Variants in NRG2 observed in about 807,000 individuals in gnomAD.
NRG2 encodes pro-neuregulin-2, membrane-bound isoform.
Under a neutral mutation model 73.9 loss-of-function variants are expected in NRG2, and 27 were observed. The observed-to-expected ratio is 0.37, with a 90% CI of 0.27 to 0.50. The LOEUF is 0.50. Ranked by LOEUF, NRG2 falls within the 20% of genes least tolerant of loss-of-function variation. The pLI is 0.96. For missense variants in NRG2, 1,126 were observed against 1,210.1 expected (o/e 0.93, Z 1.03); for synonymous variants, 532 against 541.0 (o/e 0.98, Z 0.23).
intron 1 of NRG2, among the ~76,000 whole-genome samples, chr5:140,010,143 C>T (rs1759242014): frequency 6.6e-6 from 1 of 152,014 alleles, no homozygotes; most frequent in Non-Finnish European, 1.5e-5. Context: ...ACTAAAAATA[C>T]AAAAATTAGA....
At chr5:139,873,534 A>G (rs112193042) in intron 3 of NRG2, among the ~76,000 whole-genome samples, 15 of 152,356 alleles carry the variant, frequency 9.8e-5, no homozygotes, top group African/African-American at 3.1e-4. Flanking sequence ...GTGTGTTGCA[A>G]CAGAGCCTCA....
rs1444990262 is a variant in NRG2, at chr5:139,852,022, C to A, written c.1545-191G>T. 6.6e-6 allele frequency among the ~76,000 whole-genome samples: 1 copy of A among 152,188 alleles called. No individual in the cohort carries two copies. Among genetic ancestry groups the A allele is most frequent in the African/African-American group, 2.4e-5 (1 of 41,436 alleles). ...ATATTGGAAGAAGGAGGGCTGGGGT[C>A]CCATAGATGGGTGAGCTGTAATGTG... On this transcript the variant is annotated intron_variant, in intron 8 of 9. Coordinates refer to ENST00000361474, the MANE Select transcript of NRG2 (RefSeq NM_004883.3). This position sits in a 1 kb window ranked among gnomAD's most constrained non-coding sequence, Gnocchi z 4.4.
chr5:139,992,981 C>CT (rs949613998), intron 1 of NRG2, among the ~76,000 whole-genome samples: 23 of 146,828 alleles, frequency 1.6e-4, no homozygotes, highest in Admixed American at 4.8e-4. Flanking sequence ...GTTCCTCCAT[C>CT]TTTTTTTTTT....
At chr5:139,880,662 A>AAACATTAGC (rs1462856172) in intron 3 of NRG2, among the ~76,000 whole-genome samples, 194 bp downstream of exon 3, 2 of 152,104 alleles carry the variant, frequency 1.3e-5, no homozygotes, top group African/African-American at 2.4e-5. Context: ...CCAGGCCCAG[A>AAACATTAGC]TAACAAAGCT....
chr5:139,898,096 G>A (rs1218076080), intron 1 of NRG2, among the ~76,000 whole-genome samples: 2 of 152,238 alleles, frequency 1.3e-5, no homozygotes, highest in Admixed American at 6.5e-5. Context: ...TGTGGCCTTC[G>A]CCCTGGTGGA....
intron 1 of NRG2, among the ~76,000 whole-genome samples, chr5:139,970,424 G>A (rs928210163): frequency 6.6e-6 from 1 of 152,012 alleles, no homozygotes; most frequent in Non-Finnish European, 1.5e-5. Context: ...CAAGACTAGA[G>A]CAACATCCCC....
At chr5:139,940,413 T>C (rs551256787) in intron 1 of NRG2, among the ~76,000 whole-genome samples, 3 of 152,322 alleles carry the variant, frequency 2.0e-5, no homozygotes, top group Admixed American at 1.3e-4. Context: ...GCTTGGGGCA[T>C]GAGAAATTTT....
intron 1 of NRG2, among the ~76,000 whole-genome samples, chr5:139,918,673 A>G (rs1751447204): frequency 1.3e-5 from 2 of 152,152 alleles, no homozygotes; most frequent in Non-Finnish European, 2.9e-5. Flanking sequence ...CTATTTAGAC[A>G]GGTTGGATTT....
intron 1 of NRG2, among the ~76,000 whole-genome samples, chr5:139,918,734 G>C (rs866291461): frequency 5.9e-5 from 9 of 152,208 alleles, no homozygotes; most frequent in South Asian, 4.1e-4. Context: ...TAGGCCTAGA[G>C]TTGGCTCAAG....
At chr5:140,019,695 T>C (rs1041826956) in intron 1 of NRG2, 1 of 152,182 alleles carries the variant, frequency 6.6e-6, no homozygotes, top group African/African-American at 2.4e-5. Context: ...GGTTCTTAGA[T>C]GCAAAATTGG....
intron 1 of NRG2, among the ~76,000 whole-genome samples, chr5:140,028,648 G>A (rs1315683244): frequency 1.3e-5 from 2 of 152,158 alleles, no homozygotes; most frequent in African/African-American, 4.8e-5. Context: ...GGTTTTGGGT[G>A]GAGATGAGTA....
chr5:139,872,702 T>C (rs1207245722), intron 3 of NRG2, among the ~76,000 whole-genome samples: 1 of 152,152 alleles, frequency 6.6e-6, no homozygotes, highest in Non-Finnish European at 1.5e-5. Flanking sequence ...GCCTTAAGGC[T>C]TCTAGCACAG....
intron 1 of NRG2, among the ~76,000 whole-genome samples, chr5:140,034,913 T>C (rs1392717633): frequency 2.0e-5 from 3 of 152,170 alleles, no homozygotes; most frequent in African/African-American, 7.2e-5. Flanking sequence ...CAGTCTAGCA[T>C]TCAAGACTGA....
In NRG2 at chr5:140,003,463, G is replaced by T. The variant is rs564796503; in HGVS notation, c.700+38907C>A. 1.1e-3 allele frequency among the ~76,000 whole-genome samples: 175 copies of T among 152,270 alleles called. 1 individual carries two copies. Among genetic ancestry groups the T allele is most frequent in the Non-Finnish European group, 2.0e-3 (139 of 68,010 alleles). ...ATTAGAGTCAGAGAGACAGGGGTTG[G>T]AAGACACTACACTGCTGGTTTTGAA... On this transcript the variant is annotated intron_variant, in intron 1 of 9. Coordinates refer to ENST00000361474, the MANE Select transcript of NRG2 (RefSeq NM_004883.3).
At chr5:139,916,261 C>T (rs776701153) in intron 1 of NRG2, among the ~76,000 whole-genome samples, 15 of 152,160 alleles carry the variant, frequency 9.9e-5, no homozygotes, top group Non-Finnish European at 7.4e-5. Context: ...GTGAGGCAGA[C>T]GGTATATGAA....
chr5:139,893,542 C>A (rs1309708265), intron 1 of NRG2, among the ~76,000 whole-genome samples: 1 of 152,238 alleles, frequency 6.6e-6, no homozygotes, highest in East Asian at 1.9e-4. Flanking sequence ...GCAGCAGCTC[C>A]TTCCCCAGAG....
In NRG2 at chr5:139,887,364, A is replaced by C; in HGVS notation, c.848T>G (p.Ile283Ser). 6.2e-7 allele frequency: 1 copy of C among 1,614,190 alleles called. No homozygotes were observed. Among genetic ancestry groups the C allele is most frequent in the South Asian group, 1.1e-5 (1 of 91,080 alleles). The change falls in exon 2 of 10, where the codon ATT becomes AGT. Residue 283 changes from isoleucine (I) to serine (S), a missense_variant. Coordinates refer to ENST00000361474, the MANE Select transcript of NRG2 (RefSeq NM_004883.3). The surrounding 1 kb of genome is among the most constrained non-coding windows in gnomAD (Gnocchi z 4.5). ...DGKELNRSRD[I>S]RIKYGNGRKN... ...CCTGCCGTTGCCATATTTGATGCGA[A>C]TGTCTCGGCTGCGGTTGAGCTCCTT...
At position 139,922,647 on chromosome 5, in the gene NRG2, C is replaced by T. The variant is rs550137046; in HGVS notation, c.701-35136G>A. 1.2e-4 allele frequency among the ~76,000 whole-genome samples: 18 copies of T among 152,308 alleles called. No homozygotes were observed. The South Asian group carries it at 3.3e-3, about 28-fold the overall frequency. On this transcript the variant is annotated intron_variant, in intron 1 of 9. Coordinates refer to ENST00000361474, the MANE Select transcript of NRG2 (RefSeq NM_004883.3). Reference sequence around the variant, plus strand: ...ACTTATATCCACAGAAAAACCTGCACAAGGATGTTTATAGCAGCTTCATAC... The same window carrying T: ...ACTTATATCCACAGAAAAACCTGCATAAGGATGTTTATAGCAGCTTCATAC...
chr5:139,872,292 C>T (rs1002145234), intron 3 of NRG2, among the ~76,000 whole-genome samples: 1 of 152,196 alleles, frequency 6.6e-6, no homozygotes, highest in African/African-American at 2.4e-5. Flanking sequence ...ATGGCTTGGG[C>T]TCTCATGGTG....
Sources: gnomAD v4.1 joint callset for allele counts (sites outside exome capture counted in the v4.1 genomes callset) on GRCh38, gnomAD v4.1.1 for gene constraint, Gnocchi (gnomAD v3.1) non-coding constraint, MANE v1.5 for transcripts, NCBI Gene and HGNC (gene_info 2026-07-23, HGNC 2026-07-21) for gene names.